Variants in CASP10 observed in about 807,000 individuals in gnomAD.
The protein encoded by CASP10 is caspase 10.
A neutral mutation model predicts 48.5 loss-of-function variants in CASP10; 41 were observed. The observed-to-expected ratio is 0.85, with a 90% CI of 0.66 to 1.10. CASP10 has a LOEUF of 1.10. CASP10 is among the 50% of genes least tolerant of loss of function. CASP10 has a pLI of 0.00. For synonymous variants in CASP10, 232 were observed against 238.4 expected (o/e 0.97, Z 0.25); for missense variants, 614 against 614.5 (o/e 1.00, Z 0.01).
intron 4 of CASP10, among the ~76,000 whole-genome samples, chr2:201,195,047 G>A (rs867938393): frequency 6.6e-6 from 1 of 151,516 alleles, no homozygotes; most frequent in Admixed American, 6.6e-5. Flanking sequence ...AAAGTGCTGG[G>A]ATTACAGGTG....
chr2:201,219,639 A>G lies in CASP10; in HGVS notation c.*1898A>G. 1 of 980,814 alleles carries G rather than the reference A, an allele frequency of 1.0e-6. No homozygotes were observed. The highest frequency in any genetic ancestry group is 1.2e-6 in the Non-Finnish European group (1 of 828,930). The allele number at this position is 980,814 out of a possible 1,614,324, so 60.8% of individuals were successfully genotyped here. A position where few individuals can be genotyped will look rare whatever the true frequency, so the allele number is the denominator to read the frequency against. ...GGGGATGTCTGGCTTGCCTGAAGGG[A>G]GTGGCTCTGTAAGGACGCCTTGATG... On this transcript the variant is annotated 3_prime_UTR_variant, in exon 10 of 10. Transcript: ENST00000286186.
At chr2:201,222,220 CTT>C (rs11392581), downstream of CASP10, among the ~76,000 whole-genome samples, 15 of 136,602 alleles carry the variant, frequency 1.1e-4, no homozygotes, top group Admixed American at 1.5e-4. Context: ...TTTATTCATT[CTT>C]TTTTTTTTTT....
At position 201,228,339 on chromosome 2, in the gene CASP10, T is replaced by TA. The variant is rs978022839; in HGVS notation, c.1416-584dup. Among the ~76,000 whole-genome samples, 312 of 150,184 alleles carry TA rather than the reference T, an allele frequency of 2.1e-3. 4 individuals are homozygous for TA. Among genetic ancestry groups the TA allele is most frequent in the African/African-American group, 6.9e-3 (284 of 40,896 alleles). ...CTAGGTGACACAGCGAGACTCCCTC[T>TA]AAAAAAAAAATTCCTTAGAAACTTC... On this transcript the variant is annotated intron_variant, in intron 9 of 9. Coordinates refer to the CASP10 transcript ENST00000272879.
In CASP10 at chr2:201,196,105, T is replaced by A; in HGVS notation, c.684+157T>A. On this transcript the variant is annotated intron_variant, in intron 5 of 9. Coordinates refer to ENST00000286186, the MANE Select transcript of CASP10 (RefSeq NM_032977.4). Reference sequence around the variant, plus strand: ...TGGTGATTGCAAGTAAACAACATGATATCAACCAGAGTGCACATTTTCTGA... The same window carrying A: ...TGGTGATTGCAAGTAAACAACATGAAATCAACCAGAGTGCACATTTTCTGA... 4.9e-6 allele frequency: 3 copies of A among 611,714 alleles called. No homozygotes were observed. In the Admixed American group the frequency reaches 8.6e-5, roughly 18 times the overall value. 37.9% of individuals were successfully genotyped at this position (611,714 alleles called of 1,614,324 possible).
chr2:201,186,087 C>T lies in CASP10; in HGVS notation c.310C>T (p.Arg104Ter), dbSNP rs779212325. ...HLNCTKEEVE[R>*]LLPTRQRVSL... The stretch of plus-strand genomic sequence containing the variant: ...CAACTGTACCAAAGAGGAAGTGGAG[C>T]GACTGCTGCCCACCCGACAAAGGGT... Residue 104 changes from arginine (R) to a stop codon, truncating the protein, a stop_gained, in exon 2 of 10, where the codon CGA (arginine) becomes TGA (stop). Coordinates refer to ENST00000286186, the MANE Select transcript of CASP10 (RefSeq NM_032977.4). LOFTEE classifies it high-confidence loss of function. 1.1e-5 allele frequency: 17 copies of T among 1,612,132 alleles called. No individual in the cohort carries two copies. The highest frequency in any genetic ancestry group is 8.0e-5 in the African/African-American group (6 of 74,848).
rs144037630 is a variant in CASP10 at position 201,191,781 on chromosome 2, T to G, written c.442-1203T>G. ...AGAAATGTAAGCAGTATAGCTGGCC[T>G]ACACATATCCTGAGAGATCTCACAA... On this transcript the variant is annotated intron_variant, in intron 3 of 9. Coordinates refer to ENST00000286186, the MANE Select transcript of CASP10 (RefSeq NM_032977.4). Among the ~76,000 whole-genome samples the G allele has an allele frequency of 1.2e-3, 188 of 152,328 alleles. 1 individual carries two copies. The highest frequency in any genetic ancestry group is 3.4e-3 in the Middle Eastern group (1 of 294).
chr2:201,188,027 T>G (rs1944475646), intron 3 of CASP10, among the ~76,000 whole-genome samples: 1 of 152,182 alleles, frequency 6.6e-6, no homozygotes, highest in South Asian at 2.1e-4. Context: ...TCTATTTTCT[T>G]AGACGTAAAA....
chr2:201,216,666 C>T lies in CASP10; in HGVS notation c.1416-922C>T, dbSNP rs1945579256. Among the ~76,000 whole-genome samples, 3 of 152,094 alleles carry T rather than the reference C, an allele frequency of 2.0e-5. No individual in the cohort carries two copies. In the South Asian group the frequency reaches 6.2e-4, roughly 31 times the overall value. ...AACAGTGTAGCCAGTGTTCTAAGTG[C>T]TTGACCCAATATACATCCTTTAATG... On this transcript the variant is annotated intron_variant, in intron 9 of 9. Transcript: ENST00000286186.
At chr2:201,223,314 C>T (rs533632140), downstream of CASP10, among the ~76,000 whole-genome samples, 2 of 152,212 alleles carry the variant, frequency 1.3e-5, no homozygotes, top group Non-Finnish European at 2.9e-5. Flanking sequence ...CACCGTCCCT[C>T]ACCTCTGCTG....
Position 201,219,794 on chromosome 2 carries a change from A to T in CASP10, c.*2053A>T. 1.0e-6 allele frequency: 1 copy of T among 980,370 alleles called. No homozygotes were observed. Among genetic ancestry groups the T allele is most frequent in the Non-Finnish European group, 1.2e-6 (1 of 829,428 alleles). The allele number at this position is 980,370 out of a possible 1,614,324, so 60.7% of individuals were successfully genotyped here. A position where few individuals can be genotyped will look rare whatever the true frequency, so the allele number is the denominator to read the frequency against. On this transcript the variant is annotated 3_prime_UTR_variant, in exon 10 of 10. Transcript: ENST00000286186. ...TTTGAATCCTTAAAGGTGAGCCCTC[A>T]TAGGGAGATCCAAAGTCCTGTGGTT...
Position 201,209,348 on chromosome 2 carries a change from TGCCAAGG to T in CASP10, c.1202_1208del (p.Cys401LeufsTer15), listed in dbSNP as rs747900630. 522 of 1,614,056 alleles carry T rather than the reference TGCCAAGG, an allele frequency of 3.2e-4. 2 individuals carry two copies. Among genetic ancestry groups the T allele is most frequent in the Middle Eastern group, 2.3e-3 (14 of 6,084 alleles). On this transcript the variant is annotated frameshift_variant, in exon 9 of 10. Coordinates refer to ENST00000286186, the MANE Select transcript of CASP10 (RefSeq NM_032977.4). LOFTEE classifies it high-confidence loss of function. ...ACCTAAACTCTTTTTCATCCAGGCC[TGCCAAGG>T]TGAAGAGATACAGCCTTCCGTATCC...
At chr2:201,196,618 A>G (rs1944804260) in intron 5 of CASP10, among the ~76,000 whole-genome samples, 1 of 152,236 alleles carries the variant, frequency 6.6e-6, no homozygotes, top group Admixed American at 6.5e-5. Context: ...ATCTGTCAGC[A>G]TCAATGAAGT....
At chr2:201,199,850 AG>A (rs1944950694) in intron 5 of CASP10, among the ~76,000 whole-genome samples, 1 of 152,174 alleles carries the variant, frequency 6.6e-6, no homozygotes, top group Non-Finnish European at 1.5e-5. Context: ...CTGGGATTAC[AG>A]GCGTGAGCCA....
In CASP10 at chr2:201,218,018, G is replaced by A. The variant is rs3931696; in HGVS notation, c.*277G>A. 44,609 of 859,398 alleles carry A rather than the reference G, an allele frequency of 0.052. 2,876 individuals carry two copies. Among genetic ancestry groups the A allele is most frequent in the African/African-American group, 0.28 (15,579 of 56,412 alleles). 53.2% of individuals were successfully genotyped at this position (859,398 alleles called of 1,614,324 possible). A position where few individuals can be genotyped will look rare whatever the true frequency, so the allele number is the denominator to read the frequency against. On this transcript the variant is annotated 3_prime_UTR_variant, in exon 10 of 10. Transcript: ENST00000286186. ...AGTCTCGACCTCCCAGGCTCAAGCT[G>A]TCCTCCCGCCTCAGCTTCCCAAGTA...
chr2:201,208,449 C>T, intron 8 of CASP10: 1 of 745,520 alleles, frequency 1.3e-6, no homozygotes, highest in Non-Finnish European at 1.6e-6. Context: ...GCGTGAGCTC[C>T]AGCTCCACCA....
chr2:201,195,969 G>A, intron 5 of CASP10, 21 bp downstream of exon 5: 1 of 1,540,250 alleles, frequency 6.5e-7, no homozygotes, highest in Non-Finnish European at 9.0e-7. Flanking sequence ...TGGTGTGCTG[G>A]TCAATGCTTA....
chr2:201,187,804 G>T lies in CASP10; in HGVS notation c.441+5G>T. 1 of 1,606,868 alleles carries T rather than the reference G, an allele frequency of 6.2e-7. No homozygotes were observed. The highest frequency in any genetic ancestry group is 8.5e-7 in the Non-Finnish European group (1 of 1,173,388). ...TCGCTTCCCAAAACTGAAATGGTGAGTGGGTCATACAGAATGGGTCTGTGT... is the reference window on the plus strand; with the variant it reads ...TCGCTTCCCAAAACTGAAATGGTGATTGGGTCATACAGAATGGGTCTGTGT... On this transcript the variant is annotated splice_donor_5th_base_variant and intron_variant, in intron 3 of 9. Transcript: ENST00000286186.
intron 9 of CASP10, among the ~76,000 whole-genome samples, chr2:201,210,527 C>CT (rs1279528200): frequency 2.1e-4 from 32 of 152,240 alleles, no homozygotes; most frequent in Non-Finnish European, 2.9e-5. Context: ...TCCCAGCTCT[C>CT]TCCAGGAGCT....
intron 4 of CASP10, among the ~76,000 whole-genome samples, chr2:201,194,313 G>T (rs1463046211): frequency 6.6e-6 from 1 of 152,102 alleles, no homozygotes; most frequent in African/African-American, 2.4e-5. Context: ...AAACTTTTAT[G>T]CCACACCCTT....
Sources: allele counts gnomAD v4.1 joint callset (sites outside exome capture counted in the v4.1 genomes callset), GRCh38; gene constraint gnomAD v4.1.1; transcripts MANE v1.5; gene names NCBI Gene and HGNC (gene_info 2026-07-23, HGNC 2026-07-21).